Variants in ADGRV1 observed in about 807,000 individuals in gnomAD.
ADGRV1 encodes adhesion G protein-coupled receptor V1, also known as G-protein coupled receptor 98.
ADGRV1 carries 359 observed loss-of-function variants against 596.2 expected under a neutral mutation model. The ratio of observed to expected loss-of-function variants is 0.60; its 90% CI spans 0.55 to 0.66. The LOEUF (loss-of-function observed/expected upper bound fraction) is 0.66, where lower values mean the gene tolerates loss of function less well. Among genes scored for constraint, ADGRV1 ranks in the 30% least tolerant of loss-of-function variants. ADGRV1 has a pLI of 0.00. For synonymous variants in ADGRV1, 2,681 were observed against 2,679.2 expected (o/e 1.00, Z -0.02); for missense variants, 7,274 against 7,575.6 (o/e 0.96, Z 1.48).
chr5:90,650,455 T>C (rs1768430247), intron 17 of ADGRV1, among the ~76,000 whole-genome samples: 1 of 152,244 alleles, frequency 6.6e-6, no homozygotes. Flanking sequence ...GTGTCTTTTT[T>C]CCATTGAATT....
At chr5:91,089,005 G>A (rs1309851692) in intron 86 of ADGRV1, among the ~76,000 whole-genome samples, 1 of 150,862 alleles carries the variant, frequency 6.6e-6, no homozygotes, top group Non-Finnish European at 1.5e-5. Context: ...TTTTTTCTCT[G>A]TAAGGGCTTA....
chr5:90,593,582 T>G (rs1759823575), intron 1 of ADGRV1, among the ~76,000 whole-genome samples: 1 of 152,140 alleles, frequency 6.6e-6, no homozygotes, highest in Non-Finnish European at 1.5e-5. Flanking sequence ...ACATGTACCC[T>G]AGAACTTAAA....
chr5:90,819,007 T>C (rs1763201033), intron 75 of ADGRV1, among the ~76,000 whole-genome samples: 1 of 152,186 alleles, frequency 6.6e-6, no homozygotes, highest in East Asian at 1.9e-4. Context: ...TTCCTCCTTG[T>C]ACCTCTGGTA....
intron 1 of ADGRV1, among the ~76,000 whole-genome samples, chr5:90,581,137 C>G (rs924147144): frequency 2.0e-5 from 3 of 152,168 alleles, no homozygotes; most frequent in Non-Finnish European, 4.4e-5. Flanking sequence ...ACTGTTTATT[C>G]TAGTTAGCCA....
Position 90,767,475 on chromosome 5 carries a change from AAG to A in ADGRV1, c.12285+4010_12285+4011del, listed in dbSNP as rs151072456. 2.2e-4 allele frequency among the ~76,000 whole-genome samples: 34 copies of A among 152,316 alleles called. No individual in the cohort carries two copies. The East Asian group carries it at 6.2e-3, about 28-fold the overall frequency. The stretch of plus-strand genomic sequence containing the variant: ...TAAAAGAGAAAATATTGAAAATTGT[AAG>A]AGACTATATAAATGTCGACAAATAA... On this transcript the variant is annotated intron_variant, in intron 59 of 89. Coordinates refer to ENST00000405460, the MANE Select transcript of ADGRV1 (RefSeq NM_032119.4).
chr5:90,935,037 T>A (rs143925121), intron 83 of ADGRV1, among the ~76,000 whole-genome samples: 78 of 152,348 alleles, frequency 5.1e-4, no homozygotes, highest in African/African-American at 1.7e-3. Context: ...CAAGGTTTCA[T>A]ATATGAATTT....
At chr5:90,936,360 T>C (rs1294212145) in intron 83 of ADGRV1, among the ~76,000 whole-genome samples, 1 of 152,168 alleles carries the variant, frequency 6.6e-6, no homozygotes, top group African/African-American at 2.4e-5. Context: ...TCTATTACTT[T>C]CAAATTTGTA....
chr5:90,607,553 T>A (rs997345977), intron 1 of ADGRV1, among the ~76,000 whole-genome samples: 4 of 152,152 alleles, frequency 2.6e-5, no homozygotes, highest in African/African-American at 9.7e-5. Flanking sequence ...TTTTACCCCC[T>A]TCTACTAGGT....
intron 83 of ADGRV1, among the ~76,000 whole-genome samples, chr5:90,878,435 T>G (rs762060239): frequency 3.3e-5 from 5 of 152,146 alleles, no homozygotes; most frequent in African/African-American, 4.8e-5. Context: ...CCACTTAAAT[T>G]TAACATGGAA....
chr5:90,764,253 G>A (rs567140461), intron 59 of ADGRV1, among the ~76,000 whole-genome samples: 1 of 152,254 alleles, frequency 6.6e-6, no homozygotes, highest in Non-Finnish European at 1.5e-5. Context: ...TTACCAAAAT[G>A]GGCTCAGGGC....
chr5:90,630,682 T>C lies in ADGRV1; in HGVS notation c.1839+1143T>C, dbSNP rs994071693. ...GAAGTATATAGCAAATGAAATATTC[T>C]ATTTCACTAATTTCTTTGAATCATG... On this transcript the variant is annotated intron_variant, in intron 9 of 89. Transcript: ENST00000405460. 9.8e-5 allele frequency among the ~76,000 whole-genome samples: 15 copies of C among 152,372 alleles called. No homozygotes were observed. The East Asian group carries it at 2.5e-3, about 25-fold the overall frequency.
intron 78 of ADGRV1, among the ~76,000 whole-genome samples, chr5:90,847,666 G>A (rs1766037745): frequency 6.6e-6 from 1 of 152,222 alleles, no homozygotes; most frequent in African/African-American, 2.4e-5. Flanking sequence ...TGCCCCGCAG[G>A]GAGGCAGCTA....
At chr5:90,585,038 GA>G (rs1193722955) in intron 1 of ADGRV1, among the ~76,000 whole-genome samples, 1 of 152,228 alleles carries the variant, frequency 6.6e-6, no homozygotes, top group East Asian at 1.9e-4. Flanking sequence ...TTTAAAAAAG[GA>G]AAAAGCCACT....
chr5:90,676,186 AGTT>A lies in ADGRV1; in HGVS notation c.5424_5426del (p.Leu1809del), dbSNP rs1773246830. 1 of 1,605,830 alleles carries A rather than the reference AGTT, an allele frequency of 6.2e-7. No individual in the cohort carries two copies. Among genetic ancestry groups the A allele is most frequent in the African/African-American group, 1.3e-5 (1 of 74,520 alleles). On this transcript the variant is annotated inframe_deletion, in exon 25 of 90. Transcript: ENST00000405460. ...GAACTGGAAAAATCTTTTAAAGTTG[AGTT>A]GTTAAACTTGGAAGGAGGAGGTAAG...
At chr5:91,035,333 C>A (rs1246373324) in intron 85 of ADGRV1, among the ~76,000 whole-genome samples, 1 of 152,146 alleles carries the variant, frequency 6.6e-6, no homozygotes, top group East Asian at 1.9e-4. Flanking sequence ...TCACTTACTT[C>A]CCAATGGACT....
At chr5:91,006,083 T>C (rs1213743417) in intron 85 of ADGRV1, among the ~76,000 whole-genome samples, 1 of 152,118 alleles carries the variant, frequency 6.6e-6, no homozygotes, top group Non-Finnish European at 1.5e-5. Context: ...GTGGCCAGAG[T>C]CACAGAGCCA....
chr5:90,855,598 C>T (rs1217380460), intron 81 of ADGRV1, 143 bp from the exon 82 acceptor site: 2 of 591,354 alleles, frequency 3.4e-6, no homozygotes, highest in Non-Finnish European at 6.0e-6. Flanking sequence ...ATGTTCCCTT[C>T]ACTGTTTCTT....
intron 83 of ADGRV1, among the ~76,000 whole-genome samples, chr5:90,867,496 G>C (rs1045425759): frequency 1.3e-5 from 2 of 152,112 alleles, no homozygotes; most frequent in African/African-American, 4.8e-5. Context: ...CTGTTTCCCA[G>C]GGAGGATCCT....
intron 73 of ADGRV1, among the ~76,000 whole-genome samples, chr5:90,808,084 G>A (rs1762080025): frequency 6.6e-6 from 1 of 152,186 alleles, no homozygotes; most frequent in African/African-American, 2.4e-5. Context: ...GTAAGAATAA[G>A]ATTAAGTAAG....
Sources: allele counts gnomAD v4.1 joint callset (sites outside exome capture counted in the v4.1 genomes callset), GRCh38; gene constraint gnomAD v4.1.1; transcripts MANE v1.5; gene names NCBI Gene and HGNC (gene_info 2026-07-23, HGNC 2026-07-21).